Variants in UVRAG observed in about 807,000 individuals in gnomAD.
UVRAG encodes UV radiation resistance-associated gene protein.
Under a neutral mutation model 78.0 loss-of-function variants are expected in UVRAG, and 19 were observed. The observed-to-expected ratio is 0.24, with a 90% CI of 0.17 to 0.36. The LOEUF is 0.36. UVRAG is among the 10% of genes least tolerant of loss of function. The pLI, the probability that UVRAG is intolerant of heterozygous loss-of-function variation, is 1.00. For missense variants in UVRAG, 740 were observed against 853.8 expected, an observed-to-expected ratio of 0.87 and a Z score of 1.66; for synonymous variants, 323 against 324.6, an observed-to-expected ratio of 1.00 and a Z score of 0.05.
In UVRAG at chr11:76,140,941, A is replaced by G. The variant is rs148697568; in HGVS notation, c.1628A>G (p.Lys543Arg). The G allele has an allele frequency of 3.4e-5, 55 of 1,614,066 alleles. No homozygotes were observed. Among genetic ancestry groups the G allele is most frequent in the Non-Finnish European group, 4.4e-5 (52 of 1,180,038 alleles). Residue 543 changes from lysine (K) to arginine (R), a missense_variant, in exon 15 of 15, where the codon AAG becomes AGG. Transcript: ENST00000356136. ...TVPSMGETER[K>R]ITSLSSSLDT... ...CCCTCCATGGGAGAGACCGAGAGAA[A>G]GATAACATCTCTATCCTCCTCCTTG...
intron 12 of UVRAG, among the ~76,000 whole-genome samples, chr11:76,047,252 T>C (rs1202205067): frequency 4.0e-5 from 6 of 151,862 alleles, no homozygotes; most frequent in Admixed American, 1.3e-4. Context: ...CCCTGAAGGG[T>C]GGGAGCAATC....
chr11:75,892,554 A>T (rs1947236110), intron 5 of UVRAG, among the ~76,000 whole-genome samples: 1 of 152,218 alleles, frequency 6.6e-6, no homozygotes. Flanking sequence ...ACTTTCCCCA[A>T]ATTACGCAGC....
Position 75,877,591 on chromosome 11 carries a change from G to T in UVRAG, c.271-2288G>T, listed in dbSNP as rs1298900363. On this transcript the variant is annotated intron_variant, in intron 3 of 14. Coordinates refer to ENST00000356136, the MANE Select transcript of UVRAG (RefSeq NM_003369.4). ...CCCCCACCTCCCTCCCGTACGGGTC[G>T]GCTGGCCGGGCGGGGGGCTGACCCC... Among the ~76,000 whole-genome samples, 5 of 144,644 alleles carry T rather than the reference G, an allele frequency of 3.5e-5. 1 individual carries two copies. Among genetic ancestry groups the T allele is most frequent in the African/African-American group, 7.7e-5 (3 of 38,728 alleles). The allele number at this position is 144,644 out of a possible 152,430, so 94.9% of individuals were successfully genotyped here.
chr11:76,128,171 G>A (rs1952447691), intron 14 of UVRAG, among the ~76,000 whole-genome samples: 1 of 152,224 alleles, frequency 6.6e-6, no homozygotes, highest in Non-Finnish European at 1.5e-5. Flanking sequence ...GAGGTGAGTA[G>A]AGGATGAGCG....
intron 13 of UVRAG, among the ~76,000 whole-genome samples, chr11:76,069,151 C>T (rs1591199347): frequency 6.6e-6 from 1 of 152,130 alleles, no homozygotes; most frequent in Admixed American, 6.5e-5. Flanking sequence ...TTTGTTACTT[C>T]AGTATTTGGG....
intron 2 of UVRAG, among the ~76,000 whole-genome samples, chr11:75,858,882 A>G (rs542155021): frequency 3.9e-5 from 6 of 152,322 alleles, no homozygotes; most frequent in Admixed American, 6.5e-5. Context: ...TAGATACACC[A>G]TATCTATGAG....
intron 13 of UVRAG, among the ~76,000 whole-genome samples, chr11:76,114,989 T>C (rs1591254233): frequency 6.6e-6 from 1 of 152,352 alleles, no homozygotes; most frequent in East Asian, 1.9e-4. Context: ...ATGTGTAATA[T>C]GTCATTTGAA....
intron 12 of UVRAG, among the ~76,000 whole-genome samples, chr11:76,033,088 A>G (rs1406611839): frequency 1.3e-5 from 2 of 152,222 alleles, no homozygotes; most frequent in Admixed American, 6.5e-5. Context: ...ACATGTAACT[A>G]TCTAACAGAG....
chr11:76,003,875 C>A, intron 8 of UVRAG, 130 bp from the exon 9 acceptor site: 2 of 781,752 alleles, frequency 2.6e-6, no homozygotes, highest in Non-Finnish European at 4.2e-6. Flanking sequence ...CAAAAAATCT[C>A]TGTACTCAAC....
At chr11:76,015,703 A>T (rs991509025) in intron 11 of UVRAG, among the ~76,000 whole-genome samples, 1 of 152,196 alleles carries the variant, frequency 6.6e-6, no homozygotes, top group African/African-American at 2.4e-5. Flanking sequence ...TGAGGAATGG[A>T]TCTCTGTAGT....
intron 1 of UVRAG, among the ~76,000 whole-genome samples, chr11:75,822,682 A>G (rs988270167): frequency 2.0e-5 from 3 of 150,892 alleles, no homozygotes; most frequent in Non-Finnish European, 4.4e-5. Flanking sequence ...TTTTTTTTAA[A>G]TAAACAATAT....
chr11:75,824,643 C>A (rs1945470204), intron 1 of UVRAG, among the ~76,000 whole-genome samples: 1 of 148,614 alleles, frequency 6.7e-6, no homozygotes. Context: ...AGACATGTTA[C>A]TGCTGGGGAG....
chr11:75,914,114 A>G (rs1947798091), intron 6 of UVRAG: 1 of 152,230 alleles, frequency 6.6e-6, no homozygotes. Context: ...TTTAAATTGC[A>G]CTTATTAAAG....
intron 12 of UVRAG, among the ~76,000 whole-genome samples, chr11:76,060,452 C>T (rs1444300265): frequency 6.6e-6 from 1 of 152,252 alleles, no homozygotes; most frequent in Non-Finnish European, 1.5e-5. Context: ...GCCTGGGCTC[C>T]CACTTTGGCG....
At chr11:76,021,628 T>C (rs1175646456) in intron 12 of UVRAG, among the ~76,000 whole-genome samples, 3 of 152,248 alleles carry the variant, frequency 2.0e-5, no homozygotes, top group African/African-American at 7.2e-5. Context: ...CTTTCTTTTA[T>C]AATGTCAGTG....
intron 1 of UVRAG, among the ~76,000 whole-genome samples, chr11:75,817,894 A>G (rs1374242785): frequency 8.2e-5 from 12 of 146,584 alleles, no homozygotes; most frequent in Non-Finnish European, 1.5e-4. Context: ...AAGTACAAAA[A>G]AAAGAAAAAA....
chr11:75,942,023 T>A (rs1217264174), intron 6 of UVRAG: 1 of 152,154 alleles, frequency 6.6e-6, no homozygotes, highest in African/African-American at 2.4e-5. Context: ...GAATTAAAAA[T>A]GTAAGGCATT....
chr11:76,111,931 T>A, intron 13 of UVRAG, among the ~76,000 whole-genome samples: 22 of 106,416 alleles, frequency 2.1e-4, no homozygotes, highest in East Asian at 1.0e-3. Context: ...TAAAATAAAG[T>A]GAAAAAAAAA....
chr11:76,092,681 G>A (rs1377874065), intron 13 of UVRAG, among the ~76,000 whole-genome samples: 1 of 151,968 alleles, frequency 6.6e-6, no homozygotes, highest in Non-Finnish European at 1.5e-5. Context: ...TTTTTGATGG[G>A]GTTGTTTTTT....
Sources: allele counts gnomAD v4.1 joint callset (sites outside exome capture counted in the v4.1 genomes callset), GRCh38; gene constraint gnomAD v4.1.1; transcripts MANE v1.5; gene names NCBI Gene and HGNC (gene_info 2026-07-23, HGNC 2026-07-21).